CLPTM1L: variants seen among roughly 807,000 people sequenced by gnomAD.
CLPTM1L encodes CLPTM1 like.
A neutral mutation model predicts 70.9 loss-of-function variants in CLPTM1L; 38 were observed. That is an observed-to-expected ratio of 0.54 (90% CI 0.41 to 0.70). The LOEUF is 0.70. Among genes scored for constraint, CLPTM1L ranks in the 30% least tolerant of loss-of-function variants. The probability of loss-of-function intolerance (pLI) is 0.00; values close to 1 mark genes in which losing one functional copy is unlikely to be tolerated. For synonymous variants in CLPTM1L, 339 were observed against 299.9 expected (o/e 1.13, Z -1.35); for missense variants, 652 against 705.9 (o/e 0.92, Z 0.87).
intron 7 of CLPTM1L, chr5:1,332,221 G>C: frequency 3.3e-6 from 1 of 307,400 alleles, no homozygotes; most frequent in East Asian, 6.7e-5. Flanking sequence ...GCCCACTCAG[G>C]GCAGCCTCAT....
rs762483962 is a variant in CLPTM1L, at chr5:1,338,979, C to T, written c.480G>A (p.Thr160=). 37 of 1,613,254 alleles carry T rather than the reference C, an allele frequency of 2.3e-5. No individual in the cohort carries two copies. Among genetic ancestry groups the T allele is most frequent in the Non-Finnish European group, 2.8e-5 (33 of 1,179,942 alleles). The change falls in exon 4 of 17, where the codon ACG becomes ACA. Residue 160 remains threonine, a synonymous_variant. Transcript: ENST00000320895. ...GGGACACTGGCTCATCCAGGGCACT[C>T]GTCGGCTTCTTCTCCGCCTCGATCT... ...TQQIEAEKKP[T]SALDEPVSHW...
chr5:1,327,263 C>G (rs560337519), intron 9 of CLPTM1L, among the ~76,000 whole-genome samples: 1 of 150,240 alleles, frequency 6.7e-6, no homozygotes, highest in African/African-American at 2.5e-5. Context: ...CACATTCCAT[C>G]CAGCTCCTCC....
Position 1,323,768 on chromosome 5 carries a change from A to G in CLPTM1L, c.1280+19T>C. ...CTCAGGGGAAAGACGCAGCAGGGGA[A>G]GCGTGTGCGGCCTCCTACCTCTTAT... On this transcript the variant is annotated intron_variant, in intron 12 of 16. Transcript: ENST00000320895. The G allele has an allele frequency of 6.3e-7, 1 of 1,594,690 alleles. No individual in the cohort carries two copies. The highest frequency in any genetic ancestry group is 8.6e-7 in the Non-Finnish European group (1 of 1,162,796).
chr5:1,324,642 C>T (rs1579622728), intron 11 of CLPTM1L, 121 bp downstream of exon 11: 2 of 986,526 alleles, frequency 2.0e-6, no homozygotes, highest in South Asian at 2.8e-5. Flanking sequence ...GATCCCTGCT[C>T]AAGGCGGGCT....
intron 9 of CLPTM1L, among the ~76,000 whole-genome samples, chr5:1,326,986 C>G (rs11133729): frequency 0.57 from 65,579 of 114,760 alleles, 18,123 homozygotes; most frequent in African/African-American, 0.76. Context: ...GCTCCTCCTC[C>G]ACAGGGACAT....
chr5:1,341,745 C>A lies in CLPTM1L; in HGVS notation c.379G>T (p.Val127Phe). The change falls in exon 3 of 17, where the codon GTC becomes TTC. Residue 127 changes from valine to phenylalanine, a missense_variant. This residue lies in a region of CLPTM1L where 402 missense variants were observed against 388.2 expected (regional missense o/e 1.04). Transcript: ENST00000320895. ...ACCATGTAGGTGGTCAGAGGACTGA[C>A]CAGGTGCACCTGCTTCCCGTCGTGC... ...PWHDGKQVHL[V>F]SPLTTYMVPK... The A allele has an allele frequency of 6.2e-7, 1 of 1,614,042 alleles. No individual in the cohort carries two copies. Among genetic ancestry groups the A allele is most frequent in the Non-Finnish European group, 8.5e-7 (1 of 1,180,006 alleles).
chr5:1,332,543 A>T (rs1366024610), intron 7 of CLPTM1L, among the ~76,000 whole-genome samples: 1 of 152,180 alleles, frequency 6.6e-6, no homozygotes, highest in Non-Finnish European at 1.5e-5. Context: ...GTGCCGCCTA[A>T]CCACAGGCCA....
At position 1,331,900 on chromosome 5, in the gene CLPTM1L, C is replaced by T. The variant is rs767673923; in HGVS notation, c.892-17G>A. The T allele has an allele frequency of 1.4e-5, 22 of 1,602,378 alleles. No individual in the cohort carries two copies. The highest frequency in any genetic ancestry group is 2.7e-5 in the African/African-American group (2 of 74,710). On this transcript the variant is annotated splice_polypyrimidine_tract_variant and intron_variant, in intron 7 of 16. Coordinates refer to ENST00000320895, the MANE Select transcript of CLPTM1L (RefSeq NM_030782.5). ...AAAGAGAAGCTAGAGAGAACACACA[C>T]GACAGCAACTCACATCTCCTGCTGT... is the stretch of plus-strand genomic sequence containing the variant.
chr5:1,324,153 T>C (rs1173990161), intron 11 of CLPTM1L: 6 of 443,298 alleles, frequency 1.4e-5, no homozygotes, highest in Non-Finnish European at 1.2e-5. Context: ...CCACAACAGA[T>C]CAATAAACAT....
In CLPTM1L at chr5:1,318,825, G is replaced by A. The variant is rs888941876; in HGVS notation, c.1533-372C>T. Among the ~76,000 whole-genome samples the A allele has an allele frequency of 6.6e-6, 1 of 152,212 alleles. No homozygotes were observed. Among genetic ancestry groups the A allele is most frequent in the African/African-American group, 2.4e-5 (1 of 41,444 alleles). On this transcript the variant is annotated intron_variant, in intron 16 of 16. Transcript: ENST00000320895. This position sits in a 1 kb window ranked among gnomAD's most constrained non-coding sequence, Gnocchi z 8.9. ...AGGAACCGCTGTGTTCAGGGACCAC[G>A]TCTCATCAGCTGTGAACACTTGGCA...
chr5:1,318,571 T>A lies in CLPTM1L; in HGVS notation c.1533-118A>T. On this transcript the variant is annotated intron_variant, in intron 16 of 16. Transcript: ENST00000320895. The surrounding 1 kb of genome is among the most constrained non-coding windows in gnomAD (Gnocchi z 8.9). ...GAGCTGCCACAGTGAGCAAATTAAC[T>A]AAAAAGTCGAATCCTCAGAAGTTTT... 1 of 794,794 alleles carries A rather than the reference T, an allele frequency of 1.3e-6. No homozygotes were observed. Among genetic ancestry groups the A allele is most frequent in the Non-Finnish European group, 2.1e-6 (1 of 483,244 alleles). 49.2% of individuals were successfully genotyped at this position (794,794 alleles called of 1,614,324 possible). A position where few individuals can be genotyped will look rare whatever the true frequency, so the allele number is the denominator to read the frequency against.
rs1250052408 is a variant in CLPTM1L, at chr5:1,342,693, C to T, written c.264-833G>A. Among the ~76,000 whole-genome samples the T allele has an allele frequency of 6.6e-6, 1 of 152,216 alleles. No individual in the cohort carries two copies. The highest frequency in any genetic ancestry group is 1.5e-5 in the Non-Finnish European group (1 of 68,034). On this transcript the variant is annotated intron_variant, in intron 2 of 16. Transcript: ENST00000320895. This position sits in a 1 kb window ranked among gnomAD's most constrained non-coding sequence, Gnocchi z 4.3. The stretch of plus-strand genomic sequence containing the variant: ...TCCTCAACCTCCTGAGCTCAAGTGA[C>T]CTCCCGCCTCAGTCTCCCGAGTAGC...
chr5:1,344,298 C>A, intron 2 of CLPTM1L, 53 bp downstream of exon 2: 1 of 1,210,232 alleles, frequency 8.3e-7, no homozygotes, highest in Non-Finnish European at 1.2e-6. Flanking sequence ...TTTAAACAAT[C>A]TGAACATGAG....
At chr5:1,344,303 C>T in intron 2 of CLPTM1L, 48 bp downstream of exon 2, 1 of 1,236,122 alleles carries the variant, frequency 8.1e-7, no homozygotes, top group Non-Finnish European at 1.2e-6. Context: ...ACAATCTGAA[C>T]ATGAGTAATG....
intron 2 of CLPTM1L, among the ~76,000 whole-genome samples, chr5:1,343,369 A>C (rs1219409236): frequency 6.6e-6 from 1 of 152,102 alleles, no homozygotes; most frequent in Non-Finnish European, 1.5e-5. Context: ...CTTGAGGCGG[A>C]GCTGTGTTAA....
Position 1,334,061 on chromosome 5 carries a change from T to C in CLPTM1L, c.891+228A>G, listed in dbSNP as rs150232178. ...AGCACAGCCCAAGTCGCCAAGGCTG[T>C]GGACGGAGCTTTATGGTCCCTCCCT... is the stretch of plus-strand genomic sequence containing the variant. On this transcript the variant is annotated intron_variant, in intron 7 of 16. Transcript: ENST00000320895. 7.3e-3 allele frequency among the ~76,000 whole-genome samples: 1,108 copies of C among 152,286 alleles called. 19 individuals carry two copies. Among genetic ancestry groups the C allele is most frequent in the African/African-American group, 0.026 (1,062 of 41,538 alleles).
At chr5:1,337,823 T>G in intron 5 of CLPTM1L, 81 bp downstream of exon 5, 13 of 1,106,964 alleles carry the variant, frequency 1.2e-5, no homozygotes, top group Non-Finnish European at 1.8e-5. Flanking sequence ...GCCCGGTCCA[T>G]TAGGGTGCAG....
At chr5:1,334,050 C>T (rs867266952) in intron 7 of CLPTM1L, among the ~76,000 whole-genome samples, 3 of 152,146 alleles carry the variant, frequency 2.0e-5, no homozygotes, top group South Asian at 2.1e-4. Flanking sequence ...CAGCCCAAGT[C>T]GCCAAGGCTG....
At chr5:1,330,134 A>G (rs1752985567) in intron 9 of CLPTM1L, 146 bp downstream of exon 9, 2 of 689,330 alleles carry the variant, frequency 2.9e-6, no homozygotes, top group Non-Finnish European at 5.2e-6. Context: ...ACTGCCTGCC[A>G]TCCTACAGCT....
Sources: allele counts gnomAD v4.1 joint callset (sites outside exome capture counted in the v4.1 genomes callset), GRCh38; gene constraint gnomAD v4.1.1; regional missense constraint gnomAD v4.1.1; non-coding constraint Gnocchi (gnomAD v3.1); transcripts MANE v1.5; gene names NCBI Gene and HGNC (gene_info 2026-07-23, HGNC 2026-07-21).